PODXL2: variants seen among roughly 807,000 people sequenced by gnomAD.
The protein encoded by PODXL2 is podocalyxin like 2.
PODXL2 carries 17 observed loss-of-function variants against 53.4 expected under a neutral mutation model. That is an observed-to-expected ratio of 0.32 (90% CI 0.22 to 0.48). The LOEUF (loss-of-function observed/expected upper bound fraction) is 0.48, where lower values mean the gene tolerates loss of function less well. Among genes scored for constraint, PODXL2 ranks in the 20% least tolerant of loss-of-function variants. The pLI, the probability that PODXL2 is intolerant of heterozygous loss-of-function variation, is 0.99. For missense variants in PODXL2, 673 were observed against 760.0 expected, an observed-to-expected ratio of 0.89 and a Z score of 1.35; for synonymous variants, 311 against 306.7, an observed-to-expected ratio of 1.01 and a Z score of -0.15.
At chr3:127,643,664 G>A (rs1041754831) in intron 2 of PODXL2, among the ~76,000 whole-genome samples, 6 of 150,530 alleles carry the variant, frequency 4.0e-5, no homozygotes, top group African/African-American at 1.2e-4. Context: ...TTGGACACAG[G>A]GTCTCGCTTT....
chr3:127,632,351 C>T (rs942162523), intron 1 of PODXL2, among the ~76,000 whole-genome samples: 1 of 152,138 alleles, frequency 6.6e-6, no homozygotes, highest in Non-Finnish European at 1.5e-5. Context: ...AGAGACAACC[C>T]GTGTTTAATC....
chr3:127,647,934 A>T lies in PODXL2; in HGVS notation c.349+8411A>T, dbSNP rs144387213. Among the ~76,000 whole-genome samples the T allele has an allele frequency of 2.6e-5, 4 of 152,290 alleles. No homozygotes were observed. The East Asian group carries it at 7.7e-4, about 29-fold the overall frequency. ...AGGAATGTCCCCCAGAGTAGAATTG[A>T]GGTGCTATTAACAGAAAGAGAGCAT... On this transcript the variant is annotated intron_variant, in intron 2 of 7. Coordinates refer to ENST00000342480, the MANE Select transcript of PODXL2 (RefSeq NM_015720.4).
chr3:127,660,087 C>G (rs1175066595), intron 2 of PODXL2, among the ~76,000 whole-genome samples: 1 of 152,190 alleles, frequency 6.6e-6, no homozygotes, highest in East Asian at 1.9e-4. Context: ...GAATATATAC[C>G]TCAAACTACT....
intron 2 of PODXL2, among the ~76,000 whole-genome samples, chr3:127,644,889 G>A (rs1379258207): frequency 6.6e-6 from 1 of 152,160 alleles, no homozygotes; most frequent in East Asian, 1.9e-4. Context: ...GTGCAGGGAG[G>A]AGAGTTGCTT....
chr3:127,669,247 C>T (rs2074815571), intron 6 of PODXL2, 45 bp downstream of exon 6: 1 of 1,309,840 alleles, frequency 7.6e-7, no homozygotes, highest in Non-Finnish European at 1.1e-6. Flanking sequence ...AATATGCTCC[C>T]TCCTGTCTCT....
intron 3 of PODXL2, 128 bp from the exon 4 acceptor site, chr3:127,662,109 C>A: frequency 1.4e-6 from 1 of 709,588 alleles, no homozygotes. Context: ...CAGCAGCCCC[C>A]TCGCTGTAAT....
chr3:127,642,291 G>GAAAAAAAAAAA (rs201417926), intron 2 of PODXL2, among the ~76,000 whole-genome samples: 982 of 77,052 alleles, frequency 0.013, 29 homozygotes, highest in African/African-American at 0.039. Flanking sequence ...CTCCATCTCA[G>GAAAAAAAAAAA]AAAAAAAAAA....
At position 127,643,970 on chromosome 3, in the gene PODXL2, T is replaced by A. The variant is rs569661767; in HGVS notation, c.349+4447T>A. ...ATTCTTTAGCTTAATTTTTTACATT[T>A]AAGTCCAATCTAGCTGTAATTTATT... On this transcript the variant is annotated intron_variant, in intron 2 of 7. Transcript: ENST00000342480. Among the ~76,000 whole-genome samples the A allele has an allele frequency of 5.9e-5, 9 of 152,204 alleles. No homozygotes were observed. The South Asian group carries it at 1.9e-3, about 32-fold the overall frequency.
At chr3:127,670,102 C>G (rs1007538444) in intron 6 of PODXL2, among the ~76,000 whole-genome samples, 1 of 152,138 alleles carries the variant, frequency 6.6e-6, no homozygotes, top group Non-Finnish European at 1.5e-5. Flanking sequence ...GTGAGCATGT[C>G]GAATGCCCAC....
intron 4 of PODXL2, among the ~76,000 whole-genome samples, chr3:127,665,742 G>C (rs988976208): frequency 1.4e-4 from 22 of 152,186 alleles, no homozygotes; most frequent in African/African-American, 5.1e-4. Context: ...TCAAGATCTG[G>C]ATAAAGAAGC....
At chr3:127,649,403 G>A (rs2074675435) in intron 2 of PODXL2, among the ~76,000 whole-genome samples, 3 of 152,158 alleles carry the variant, frequency 2.0e-5, no homozygotes, top group Admixed American at 2.0e-4. Flanking sequence ...GTCTCCTTAG[G>A]GTACCTTTCC....
At chr3:127,649,599 GTTTAC>G (rs1365119816) in intron 2 of PODXL2, among the ~76,000 whole-genome samples, 1 of 152,218 alleles carries the variant, frequency 6.6e-6, no homozygotes, top group Admixed American at 6.5e-5. Context: ...GCATTTTGCA[GTTTAC>G]TTTATATTCC....
intron 2 of PODXL2, among the ~76,000 whole-genome samples, chr3:127,656,842 C>T (rs1437563887): frequency 2.0e-5 from 3 of 150,548 alleles, no homozygotes; most frequent in Non-Finnish European, 2.9e-5. Context: ...CTCAGGAGTT[C>T]GAGACCAGCC....
intron 2 of PODXL2, among the ~76,000 whole-genome samples, chr3:127,642,977 C>T (rs1374503818): frequency 6.6e-6 from 1 of 152,146 alleles, no homozygotes; most frequent in Non-Finnish European, 1.5e-5. Context: ...ACATTTCGAG[C>T]ACTCAGCTCA....
intron 4 of PODXL2, among the ~76,000 whole-genome samples, chr3:127,663,053 G>C (rs2074777168): frequency 6.6e-6 from 1 of 152,178 alleles, no homozygotes; most frequent in African/African-American, 2.4e-5. Context: ...ACTTGTGTCT[G>C]ATGCTCTCTA....
intron 7 of PODXL2, among the ~76,000 whole-genome samples, chr3:127,672,012 C>T (rs2074847858): frequency 6.6e-6 from 1 of 152,254 alleles, no homozygotes; most frequent in Non-Finnish European, 1.5e-5. Context: ...GCTCCCTGCC[C>T]ACCTCGCAAG....
At chr3:127,643,985 T>C (rs767897443) in intron 2 of PODXL2, among the ~76,000 whole-genome samples, 3 of 152,058 alleles carry the variant, frequency 2.0e-5, no homozygotes, top group Non-Finnish European at 4.4e-5. Flanking sequence ...CCAATCTAGC[T>C]GTAATTTATT....
In PODXL2 at chr3:127,671,514, CGTGGTGCTG is replaced by C; in HGVS notation, c.1512_1520del (p.Leu505_Val507del). The C allele has an allele frequency of 6.2e-7, 1 of 1,614,172 alleles. No homozygotes were observed. The highest frequency in any genetic ancestry group is 2.2e-5 in the East Asian group (1 of 44,878). On this transcript the variant is annotated inframe_deletion, in exon 7 of 8. Coordinates refer to ENST00000342480, the MANE Select transcript of PODXL2 (RefSeq NM_015720.4). ...TGCGCAGCGACTACGGCACGCTCTT[CGTGGTGCTG>C]GTGGTCATTGGGGCCATCTGCATCA...
Position 127,642,310 on chromosome 3 carries a change from A to T in PODXL2, c.349+2787A>T, listed in dbSNP as rs532663596. On this transcript the variant is annotated intron_variant, in intron 2 of 7. Transcript: ENST00000342480. ...ATCTCAGAAAAAAAAAAAAAAAAAG[A>T]TGTATCAGTCAGCATCCCACGCGGA... Among the ~76,000 whole-genome samples, 34 of 150,906 alleles carry T rather than the reference A, an allele frequency of 2.3e-4. No homozygotes were observed. The East Asian group carries it at 5.3e-3, about 24-fold the overall frequency.
Sources: allele counts gnomAD v4.1 joint callset (sites outside exome capture counted in the v4.1 genomes callset), GRCh38; gene constraint gnomAD v4.1.1; transcripts MANE v1.5; gene names NCBI Gene and HGNC (gene_info 2026-07-23, HGNC 2026-07-21).